Variants in KBTBD11 observed in about 807,000 individuals in gnomAD.
The protein encoded by KBTBD11 is kelch repeat and BTB domain containing 11, also known as kelch repeat and BTB domain-containing protein 11.
For missense variants in KBTBD11, 1,390 were observed against 1,001.8 expected (o/e 1.39, Z -5.23); for synonymous variants, 747 against 499.0 (o/e 1.50, Z -6.63).
rs1336372253 is a variant in KBTBD11 at position 2,004,752 on chromosome 8, A to G, written c.*1688A>G. ...GTTAATCATCTTGGGAAAGAAAAAC[A>G]GACTTCATATCGCCTGACTTGATTG... On this transcript the variant is annotated 3_prime_UTR_variant, in exon 2 of 2. Coordinates refer to ENST00000320248, the MANE Select transcript of KBTBD11 (RefSeq NM_014867.3). 1.2e-5 allele frequency: 2 copies of G among 167,088 alleles called. 1 individual carries two copies. The highest frequency in any genetic ancestry group is 2.9e-5 in the Non-Finnish European group (2 of 68,140). 10.4% of individuals were successfully genotyped at this position (167,088 alleles called of 1,614,324 possible). A position where few individuals can be genotyped will look rare whatever the true frequency, so the allele number is the denominator to read the frequency against.
At chr8:1,979,080 G>A (rs184500685) in intron 1 of KBTBD11, among the ~76,000 whole-genome samples, 7,618 of 152,186 alleles carry the variant, frequency 0.05, 657 homozygotes, top group African/African-American at 0.17. Flanking sequence ...GTGTGTGCAT[G>A]TGTCTGCACG....
intron 1 of KBTBD11, among the ~76,000 whole-genome samples, chr8:1,993,543 A>T (rs1288775988): frequency 3.1e-5 from 1 of 32,130 alleles, no homozygotes; most frequent in African/African-American, 1.3e-4. Flanking sequence ...CCACCCACCC[A>T]CCCACCCACC....
intron 1 of KBTBD11, chr8:1,974,577 C>A: frequency 3.0e-6 from 3 of 985,126 alleles, no homozygotes; most frequent in Non-Finnish European, 3.6e-6. Flanking sequence ...TGGCTGCTGA[C>A]CCCCGCGAGC....
At chr8:1,975,718 CTA>C (rs940047456) in intron 1 of KBTBD11, among the ~76,000 whole-genome samples, 2 of 152,306 alleles carry the variant, frequency 1.3e-5, no homozygotes, top group African/African-American at 4.8e-5. Flanking sequence ...GGCTCTGAGA[CTA>C]AAGAAATTCC....
intron 1 of KBTBD11, among the ~76,000 whole-genome samples, chr8:1,992,060 C>T (rs1357710493): frequency 1.3e-5 from 2 of 152,120 alleles, no homozygotes; most frequent in African/African-American, 2.4e-5. Context: ...CACCCTCCCT[C>T]TTCTGAAAGG....
intron 1 of KBTBD11, among the ~76,000 whole-genome samples, chr8:1,978,620 A>G (rs865924676): frequency 2.0e-5 from 3 of 152,202 alleles, no homozygotes; most frequent in Middle Eastern, 3.2e-3. Context: ...CGGGGAGGTC[A>G]TGTTGTGTTG....
chr8:1,999,400 G>C (rs1817261931), intron 1 of KBTBD11, among the ~76,000 whole-genome samples: 1 of 152,334 alleles, frequency 6.6e-6, no homozygotes. Context: ...GCCTGGTCAT[G>C]TTTTGGATGG....
In KBTBD11 at chr8:1,973,906, G is replaced by A. The variant is rs1416735371; in HGVS notation, c.-938G>A. ...CCACCCGCCTGGCTGCGCGTCCCGG[G>A]CCCGGCGGCTGAAGAGGAGCCGCGG... On this transcript the variant is annotated 5_prime_UTR_variant, in exon 1 of 2. Coordinates refer to ENST00000320248, the MANE Select transcript of KBTBD11 (RefSeq NM_014867.3). The A allele has an allele frequency of 5.1e-6, 5 of 982,956 alleles. No homozygotes were observed. The highest frequency in any genetic ancestry group is 6.2e-5 in the Admixed American group (1 of 16,090). The allele number at this position is 982,956 out of a possible 1,614,324, so 60.9% of individuals were successfully genotyped here.
intron 1 of KBTBD11, among the ~76,000 whole-genome samples, chr8:1,987,569 C>T (rs752313543): frequency 2.0e-5 from 3 of 152,100 alleles, no homozygotes; most frequent in Non-Finnish European, 4.4e-5. Flanking sequence ...CGGCCACCCT[C>T]GGTCTCTAGA....
chr8:2,002,523 G>T lies in KBTBD11; in HGVS notation c.1331G>T (p.Gly444Val). 3 of 1,532,424 alleles carry T rather than the reference G, an allele frequency of 2.0e-6. No individual in the cohort carries two copies. Among genetic ancestry groups the T allele is most frequent in the South Asian group, 1.2e-5 (1 of 83,690 alleles). 94.9% of individuals were successfully genotyped at this position (1,532,424 alleles called of 1,614,324 possible). A position where few individuals can be genotyped will look rare whatever the true frequency, so the allele number is the denominator to read the frequency against. Residue 444 changes from glycine to valine, a missense_variant, in exon 2 of 2, where the codon GGC becomes GTC. By Grantham distance (109) the Gly-to-Val change is moderately radical. Coordinates refer to ENST00000320248, the MANE Select transcript of KBTBD11 (RefSeq NM_014867.3). This position sits in a 1 kb window ranked among gnomAD's most constrained non-coding sequence, Gnocchi z 4.1. ...GCCCCCGTGGCGCCGCTGCCCCGGG[G>T]CGCCTTCGCCGTGGCGCATGAGGCC... ...RWAPVAPLPR[G>V]AFAVAHEATT...
chr8:1,987,007 C>CAAAAAAAAA (rs59934216), intron 1 of KBTBD11, among the ~76,000 whole-genome samples: 1 of 62,022 alleles, frequency 1.6e-5, no homozygotes, highest in African/African-American at 9.5e-5. Context: ...CCTATCTCTC[C>CAAAAAAAAA]AAAAAAAAAA....
intron 1 of KBTBD11, among the ~76,000 whole-genome samples, 200 bp from the exon 2 acceptor site, chr8:2,000,085 G>C (rs1817283011): frequency 6.6e-6 from 1 of 152,130 alleles, no homozygotes; most frequent in Non-Finnish European, 1.5e-5. Context: ...AATATCGAGA[G>C]GGTACTTTAA....
chr8:1,986,961 C>G (rs544260815), intron 1 of KBTBD11, among the ~76,000 whole-genome samples: 9 of 144,066 alleles, frequency 6.2e-5, no homozygotes, highest in African/African-American at 2.5e-4. Context: ...CCAGGGGAGC[C>G]CAGGAGTTGA....
In KBTBD11 at chr8:2,001,606, G is replaced by T; in HGVS notation, c.414G>T (p.Gly138=). The T allele has an allele frequency of 1.4e-6, 2 of 1,474,226 alleles. No homozygotes were observed. Among genetic ancestry groups the T allele is most frequent in the Non-Finnish European group, 1.8e-6 (2 of 1,118,132 alleles). The allele number at this position is 1,474,226 out of a possible 1,614,324, so 91.3% of individuals were successfully genotyped here. A position where few individuals can be genotyped will look rare whatever the true frequency, so the allele number is the denominator to read the frequency against. Reference sequence around the variant, plus strand: ...CCCCGGGGTTCGGGGCGGTGTACGGGGAGCCGGACCTGGTGCTGGAGGTGT... The same window carrying T: ...CCCCGGGGTTCGGGGCGGTGTACGGTGAGCCGGACCTGGTGCTGGAGGTGT... ...PVPPGFGAVY[G]EPDLVLEVSG... The change falls in exon 2 of 2, where the codon GGG becomes GGT. Residue 138 remains glycine, a synonymous_variant. Coordinates refer to ENST00000320248, the MANE Select transcript of KBTBD11 (RefSeq NM_014867.3).
At chr8:1,991,859 G>C (rs891495016) in intron 1 of KBTBD11, among the ~76,000 whole-genome samples, 1 of 152,012 alleles carries the variant, frequency 6.6e-6, no homozygotes, top group African/African-American at 2.4e-5. Flanking sequence ...CTCCGACCTG[G>C]GTGTGTCTGA....
chr8:1,973,776 G>T lies in KBTBD11; in HGVS notation c.-1068G>T. ...GTCCACCGCCCCCTCTGCCGCCCAC[G>T]CCCCGCTGCGGGTCGGAGGAGCAGC... On this transcript the variant is annotated 5_prime_UTR_variant, in exon 1 of 2. Transcript: ENST00000320248. 1 of 983,758 alleles carries T rather than the reference G, an allele frequency of 1.0e-6. No individual in the cohort carries two copies. The highest frequency in any genetic ancestry group is 1.2e-6 in the Non-Finnish European group (1 of 829,316). The allele number at this position is 983,758 out of a possible 1,614,324, so 60.9% of individuals were successfully genotyped here. A position where few individuals can be genotyped will look rare whatever the true frequency, so the allele number is the denominator to read the frequency against.
In KBTBD11 at chr8:2,003,481, C is replaced by CAG. The variant is rs1817477942; in HGVS notation, c.*422_*423dup. 1 of 183,830 alleles carries CAG rather than the reference C, an allele frequency of 5.4e-6. No homozygotes were observed. The highest frequency in any genetic ancestry group is 2.4e-5 in the African/African-American group (1 of 42,230). 11.4% of individuals were successfully genotyped at this position (183,830 alleles called of 1,614,324 possible). The stretch of plus-strand genomic sequence containing the variant: ...GCCGCGAACTATCGGGGGAAGCACG[C>CAG]AGAGAGGGTCACGCCTTTTATTTTT... On this transcript the variant is annotated 3_prime_UTR_variant, in exon 2 of 2. Coordinates refer to ENST00000320248, the MANE Select transcript of KBTBD11 (RefSeq NM_014867.3).
intron 1 of KBTBD11, among the ~76,000 whole-genome samples, chr8:1,999,960 T>C (rs2129315755): frequency 6.6e-6 from 1 of 152,374 alleles, no homozygotes; most frequent in Middle Eastern, 3.4e-3. Context: ...TCGACTGCTT[T>C]TGACCTACAG....
intron 1 of KBTBD11, among the ~76,000 whole-genome samples, chr8:1,986,941 T>C (rs865875246): frequency 7.4e-6 from 1 of 135,386 alleles, no homozygotes; most frequent in Non-Finnish European, 1.5e-5. Flanking sequence ...AGGAGGCTGA[T>C]GCAGGAGGAC....
Sources: gnomAD v4.1 joint callset for allele counts (sites outside exome capture counted in the v4.1 genomes callset) on GRCh38, gnomAD v4.1.1 for gene constraint, Gnocchi (gnomAD v3.1) non-coding constraint, MANE v1.5 for transcripts, NCBI Gene and HGNC (gene_info 2026-07-23, HGNC 2026-07-21) for gene names.